The following PTPRG variants were observed in gnomAD, a reference collection of about 807,000 sequenced individuals.
PTPRG encodes receptor-type tyrosine-protein phosphatase gamma.
PTPRG carries 102 observed loss-of-function variants against 165.3 expected under a neutral mutation model. The observed-to-expected ratio is 0.62, with a 90% CI of 0.53 to 0.73. The LOEUF (loss-of-function observed/expected upper bound fraction) is 0.73, where lower values mean the gene tolerates loss of function less well. PTPRG is among the 30% of genes least tolerant of loss of function. PTPRG has a pLI of 0.00. For missense variants in PTPRG, 1,866 were observed against 1,861.4 expected (o/e 1.00, Z -0.05); for synonymous variants, 675 against 669.5 (o/e 1.01, Z -0.13).
intron 7 of PTPRG, among the ~76,000 whole-genome samples, chr3:62,161,889 G>A (rs1209114783): frequency 6.6e-6 from 1 of 152,142 alleles, no homozygotes; most frequent in African/African-American, 2.4e-5. Context: ...TCAAATGTGT[G>A]GTGAAGCTAA....
At chr3:61,737,197 T>A (rs1360549038) in intron 1 of PTPRG, among the ~76,000 whole-genome samples, 2 of 152,306 alleles carry the variant, frequency 1.3e-5, no homozygotes, top group East Asian at 3.9e-4. Context: ...CTCCTCTCTC[T>A]CTCTAAGTAC....
At chr3:62,267,645 T>C (rs1701924510) in intron 18 of PTPRG, 40 bp from the exon 19 acceptor site, 2 of 1,598,100 alleles carry the variant, frequency 1.3e-6, no homozygotes, top group Non-Finnish European at 1.7e-6. Context: ...TCTTCTGTGA[T>C]AACTGCTTTC....
intron 1 of PTPRG, among the ~76,000 whole-genome samples, chr3:61,618,360 G>T (rs1575541484): frequency 1.3e-5 from 2 of 152,046 alleles, no homozygotes; most frequent in South Asian, 4.2e-4. Flanking sequence ...ATGAGAGGGG[G>T]GTGTGTGTGC....
chr3:61,732,098 C>G (rs914340463), intron 1 of PTPRG, among the ~76,000 whole-genome samples: 2 of 152,122 alleles, frequency 1.3e-5, no homozygotes, highest in Non-Finnish European at 2.9e-5. Flanking sequence ...GCCACTGTGC[C>G]TGACCCACAT....
At chr3:61,675,718 C>T (rs148381036) in intron 1 of PTPRG, among the ~76,000 whole-genome samples, 1 of 152,258 alleles carries the variant, frequency 6.6e-6, no homozygotes, top group East Asian at 1.9e-4. Flanking sequence ...GCTAATGTTT[C>T]AGCTGAAACA....
Position 62,179,488 on chromosome 3 carries a change from G to A in PTPRG, c.1033+11325G>A, listed in dbSNP as rs562257500. Reference sequence around the variant, plus strand: ...CAGAGCTATGCAATTCTTTGCTTCCGGGCTGGCACCAGGAAAGGCTTGCCA... The same window carrying A: ...CAGAGCTATGCAATTCTTTGCTTCCAGGCTGGCACCAGGAAAGGCTTGCCA... On this transcript the variant is annotated intron_variant, in intron 8 of 29. Coordinates refer to ENST00000474889, the MANE Select transcript of PTPRG (RefSeq NM_002841.4). 9.8e-5 allele frequency among the ~76,000 whole-genome samples: 15 copies of A among 152,286 alleles called. No individual in the cohort carries two copies. The East Asian group carries it at 2.1e-3, about 22-fold the overall frequency.
chr3:62,119,550 G>C (rs1376707056), intron 5 of PTPRG, among the ~76,000 whole-genome samples: 2 of 152,172 alleles, frequency 1.3e-5, no homozygotes, highest in East Asian at 3.9e-4. Flanking sequence ...CCAGAGGTCG[G>C]CTGGGCCCAG....
At chr3:61,982,990 A>T (rs573842396) in intron 2 of PTPRG, among the ~76,000 whole-genome samples, 6 of 152,154 alleles carry the variant, frequency 3.9e-5, no homozygotes, top group Non-Finnish European at 8.8e-5. Flanking sequence ...TTACACCTTA[A>T]ATTTAAAACC....
chr3:61,782,946 G>T (rs1488677941), intron 2 of PTPRG, among the ~76,000 whole-genome samples: 2 of 152,014 alleles, frequency 1.3e-5, no homozygotes, highest in Non-Finnish European at 2.9e-5. Flanking sequence ...GGGACTACAG[G>T]TGTGTACAAC....
At chr3:62,170,927 A>G (rs565887222) in intron 8 of PTPRG, among the ~76,000 whole-genome samples, 1 of 152,130 alleles carries the variant, frequency 6.6e-6, no homozygotes, top group Non-Finnish European at 1.5e-5. Context: ...GGACTCCCCC[A>G]TCATCCCCCT....
chr3:61,622,805 C>G (rs1306361881), intron 1 of PTPRG, among the ~76,000 whole-genome samples: 1 of 152,090 alleles, frequency 6.6e-6, no homozygotes, highest in African/African-American at 2.4e-5. Context: ...TTGGTTATTT[C>G]CAGTTAGTAA....
At chr3:62,132,571 A>T (rs1285249280) in intron 5 of PTPRG, 31 bp from the exon 6 acceptor site, 1 of 1,537,204 alleles carries the variant, frequency 6.5e-7, no homozygotes, top group Non-Finnish European at 9.0e-7. Context: ...GCCAGAATAG[A>T]TTTAACCAAT....
intron 2 of PTPRG, among the ~76,000 whole-genome samples, chr3:61,930,031 T>A (rs2039319385): frequency 1.3e-5 from 2 of 150,462 alleles, no homozygotes; most frequent in African/African-American, 4.9e-5. Flanking sequence ...GAATAACAGA[T>A]AATGCGGTAT....
In PTPRG at chr3:61,989,605, G is replaced by A. The variant is rs761101864; in HGVS notation, c.191-20G>A. ...TGACCCTTGAACCATGAGGATTGAA[G>A]TGTTGTCTTCTTTCAACAGGTGCCT... On this transcript the variant is annotated intron_variant, in intron 2 of 29. Transcript: ENST00000474889. The A allele has an allele frequency of 6.2e-6, 10 of 1,608,688 alleles. No homozygotes were observed. The highest frequency in any genetic ancestry group is 1.3e-5 in the African/African-American group (1 of 74,696).
intron 4 of PTPRG, among the ~76,000 whole-genome samples, chr3:62,015,756 T>C (rs1023852455): frequency 5.3e-5 from 8 of 152,124 alleles, no homozygotes; most frequent in Admixed American, 3.9e-4. Flanking sequence ...AGAGGATGGT[T>C]GGGTGGGCCA....
chr3:61,981,968 C>T (rs542448196), intron 2 of PTPRG, among the ~76,000 whole-genome samples: 1 of 152,168 alleles, frequency 6.6e-6, no homozygotes, highest in Non-Finnish European at 1.5e-5. Flanking sequence ...TTGGAGCCAA[C>T]ATGCAAGGTA....
Position 62,140,042 on chromosome 3 carries a change from T to A in PTPRG, c.682+7374T>A, listed in dbSNP as rs76472609. 5.4e-3 allele frequency among the ~76,000 whole-genome samples: 823 copies of A among 152,328 alleles called. 9 individuals carry two copies. Among genetic ancestry groups the A allele is most frequent in the African/African-American group, 0.019 (777 of 41,576 alleles). On this transcript the variant is annotated intron_variant, in intron 6 of 29. Transcript: ENST00000474889. The stretch of plus-strand genomic sequence containing the variant: ...AGAGTAACGGAGTGTCATCTCCAGG[T>A]CAGTCCTCTGAATTCCTTCTAGAAC...
intron 1 of PTPRG, among the ~76,000 whole-genome samples, chr3:61,747,306 A>C (rs373527556): frequency 1.4e-4 from 21 of 145,852 alleles, no homozygotes; most frequent in Admixed American, 3.4e-4. Context: ...CTAACATAGC[A>C]AGACAGTGTT....
intron 6 of PTPRG, among the ~76,000 whole-genome samples, chr3:62,153,221 T>A (rs377553491): frequency 6.6e-6 from 1 of 152,240 alleles, no homozygotes; most frequent in African/African-American, 2.4e-5. Flanking sequence ...TGAGCCAGCC[T>A]GTACCTCATC....
Sources: gnomAD v4.1 joint callset for allele counts (sites outside exome capture counted in the v4.1 genomes callset) on GRCh38, gnomAD v4.1.1 for gene constraint, MANE v1.5 for transcripts, NCBI Gene and HGNC (gene_info 2026-07-23, HGNC 2026-07-21) for gene names.